Variants in FRMPD2 observed in about 807,000 individuals in gnomAD.
FRMPD2 encodes FERM and PDZ domain-containing protein 2.
A neutral mutation model predicts 140.1 loss-of-function variants in FRMPD2; 96 were observed. That is an observed-to-expected ratio of 0.69 (90% CI 0.58 to 0.81). The LOEUF is 0.81. Ranked by LOEUF, FRMPD2 falls within the 40% of genes least tolerant of loss-of-function variation. FRMPD2 has a pLI of 0.00. For synonymous variants in FRMPD2, 449 were observed against 547.6 expected (o/e 0.82, Z 2.52); for missense variants, 1,240 against 1,447.4 (o/e 0.86, Z 2.32).
In FRMPD2 at chr10:48,250,872, C is replaced by A. The variant is rs1055070075; in HGVS notation, c.151+694G>T. On this transcript the variant is annotated intron_variant, in intron 2 of 28. Transcript: ENST00000374201. ...AGGGCAGTGGCACAATCTTGGCTCA[C>A]TACAACCTCTGCCTCCTGGGTTCAG... Among the ~76,000 whole-genome samples the A allele has an allele frequency of 2.0e-5, 3 of 148,260 alleles. No homozygotes were observed. In the Admixed American group the frequency reaches 2.0e-4, roughly 10 times the overall value.
At chr10:48,174,717 G>A (rs1260873001) in intron 24 of FRMPD2, among the ~76,000 whole-genome samples, 153 bp downstream of exon 24, 2 of 151,596 alleles carry the variant, frequency 1.3e-5, no homozygotes, top group African/African-American at 4.9e-5. Context: ...AGAAAAGTGA[G>A]GGTAAGAAGA....
Position 48,196,106 on chromosome 10 carries a change from A to T in FRMPD2, c.1955-3212T>A, listed in dbSNP as rs900032347. Among the ~76,000 whole-genome samples the T allele has an allele frequency of 2.0e-5, 3 of 152,150 alleles. No individual in the cohort carries two copies. The East Asian group carries it at 5.8e-4, about 29-fold the overall frequency. On this transcript the variant is annotated intron_variant, in intron 15 of 28. Coordinates refer to ENST00000374201, the MANE Select transcript of FRMPD2 (RefSeq NM_001018071.4). ...AAGGAGTTAGGAACGTGCTGCAGGCAGAGGGTATGCTGGGCACAAAAGCCC... is the reference window on the plus strand; with the variant it reads ...AAGGAGTTAGGAACGTGCTGCAGGCTGAGGGTATGCTGGGCACAAAAGCCC...
chr10:48,231,102 A>T (rs1184799248), intron 10 of FRMPD2, among the ~76,000 whole-genome samples: 3 of 152,236 alleles, frequency 2.0e-5, no homozygotes, highest in Admixed American at 2.0e-4. Context: ...CAACCAGGAA[A>T]GGTCCATCCC....
chr10:48,267,966 G>A (rs1840706680), intron 1 of FRMPD2, among the ~76,000 whole-genome samples: 1 of 152,216 alleles, frequency 6.6e-6, no homozygotes, highest in Non-Finnish European at 1.5e-5. Flanking sequence ...GCAGAAAGTA[G>A]GTTTAGGTGC....
intron 10 of FRMPD2, among the ~76,000 whole-genome samples, chr10:48,224,059 A>G (rs1839670009): frequency 6.6e-6 from 1 of 152,188 alleles, no homozygotes; most frequent in Admixed American, 6.5e-5. Flanking sequence ...GTGTAAGTGG[A>G]GTCAATTTGC....
At position 48,238,082 on chromosome 10, in the gene FRMPD2, C is replaced by T. The variant is rs114531795; in HGVS notation, c.830G>A (p.Arg277Gln). ...GTGCACAGATCCAGAGCTGAGCCTC[C>T]GGCCCGCCTGCTGGTCCTGGGGATC... Reference protein sequence around the residue: ...GADPQDQQAGRRLSSGSVHSA... With the variant: ...GADPQDQQAGQRLSSGSVHSA... The change falls in exon 8 of 29, where the codon CGG (arginine) becomes CAG (glutamine). Residue 277 changes from arginine (R) to glutamine (Q), a missense_variant. By Grantham distance (43) the Arg-to-Gln change is conservative. Around this residue, in one of 6 missense-constraint regions of FRMPD2, gnomAD observed 1,161 missense variants for 1,055.9 expected, o/e 1.10. Coordinates refer to ENST00000374201, the MANE Select transcript of FRMPD2 (RefSeq NM_001018071.4). 8.9e-4 allele frequency: 1,434 copies of T among 1,613,532 alleles called. 17 individuals carry two copies. The African/African-American group carries it at 0.017, about 19-fold the overall frequency.
intron 16 of FRMPD2, among the ~76,000 whole-genome samples, chr10:48,188,622 C>T (rs1838750142): frequency 6.6e-6 from 1 of 152,166 alleles, no homozygotes; most frequent in African/African-American, 2.4e-5. Context: ...AACCAAGGTG[C>T]CCAGGGAGAG....
Position 48,232,126 on chromosome 10 carries a change from G to T in FRMPD2, c.1157C>A (p.Ala386Glu). The change falls in exon 10 of 29, where the codon GCG (alanine) becomes GAG (glutamate). Residue 386 changes from alanine to glutamate, a missense_variant. By Grantham distance (107) the Ala-to-Glu change is moderately radical (BLOSUM62 -1). Coordinates refer to ENST00000374201, the MANE Select transcript of FRMPD2 (RefSeq NM_001018071.4). ...CAAGAGATGCTTACTTTTCATATAC[G>T]CCAAGCCAAAGTAGGTGAGTTCCTC... ...NLEELTYFGL[A>E]YMKSKEFFFL... The T allele has an allele frequency of 6.2e-7, 1 of 1,614,134 alleles. No individual in the cohort carries two copies. Among genetic ancestry groups the T allele is most frequent in the Non-Finnish European group, 8.5e-7 (1 of 1,180,020 alleles).
chr10:48,251,245 A>G (rs1449745855), intron 2 of FRMPD2, among the ~76,000 whole-genome samples: 2 of 152,196 alleles, frequency 1.3e-5, no homozygotes, highest in African/African-American at 4.8e-5. Flanking sequence ...ATAGCACTGC[A>G]GCCACTCTCT....
intron 15 of FRMPD2, among the ~76,000 whole-genome samples, chr10:48,199,457 T>G (rs1316406197): frequency 1.3e-5 from 2 of 152,176 alleles, no homozygotes; most frequent in South Asian, 4.1e-4. Flanking sequence ...CAGCAGCAAA[T>G]AGCTTCCTGA....
chr10:48,243,551 C>T (rs1840175138), intron 4 of FRMPD2, among the ~76,000 whole-genome samples: 1 of 152,188 alleles, frequency 6.6e-6, no homozygotes, highest in Non-Finnish European at 1.5e-5. Flanking sequence ...CACAGGGTCA[C>T]ACACTCAGGA....
intron 28 of FRMPD2, among the ~76,000 whole-genome samples, chr10:48,162,430 AGTC>A (rs1837966419): frequency 8.9e-6 from 1 of 112,468 alleles, no homozygotes; most frequent in Non-Finnish European, 1.8e-5. Flanking sequence ...TACCTTTGAC[AGTC>A]GTCTAGGATG....
At chr10:48,163,100 A>G (rs1837987613) in intron 28 of FRMPD2, among the ~76,000 whole-genome samples, 1 of 123,316 alleles carries the variant, frequency 8.1e-6, no homozygotes, top group Admixed American at 8.1e-5. Context: ...CTTCCAAGAC[A>G]TATTGGGGAC....
In FRMPD2 at chr10:48,209,467, T is replaced by A. The variant is rs921494384; in HGVS notation, c.1611+2487A>T. 2.0e-5 allele frequency among the ~76,000 whole-genome samples: 3 copies of A among 152,310 alleles called. No homozygotes were observed. The East Asian group carries it at 5.8e-4, about 29-fold the overall frequency. On this transcript the variant is annotated intron_variant, in intron 13 of 28. Coordinates refer to ENST00000374201, the MANE Select transcript of FRMPD2 (RefSeq NM_001018071.4). ...AGTACAAGGTGCTGAACTTTCAGAG[T>A]TAGTCATCAGTGAACTGGGGACCAA...
At chr10:48,270,309 T>C (rs1044854541) in intron 1 of FRMPD2, among the ~76,000 whole-genome samples, 2 of 152,290 alleles carry the variant, frequency 1.3e-5, no homozygotes, top group East Asian at 3.9e-4. Flanking sequence ...ACCTTACTTA[T>C]GTGTGGCCAA....
chr10:48,193,386 A>T (rs377082195), intron 15 of FRMPD2, among the ~76,000 whole-genome samples: 1 of 152,158 alleles, frequency 6.6e-6, no homozygotes, highest in Non-Finnish European at 1.5e-5. Flanking sequence ...TGCCCTGGTA[A>T]TCATATTTAA....
chr10:48,181,755 TG>T (rs1033816915), intron 20 of FRMPD2, among the ~76,000 whole-genome samples: 5 of 151,576 alleles, frequency 3.3e-5, no homozygotes, highest in African/African-American at 1.2e-4. Context: ...TCAATAATAT[TG>T]TAGAGTTGGT....
At chr10:48,182,304 A>C (rs995232235) in intron 20 of FRMPD2, among the ~76,000 whole-genome samples, 18 of 152,146 alleles carry the variant, frequency 1.2e-4, no homozygotes, top group Non-Finnish European at 2.2e-4. Flanking sequence ...ATCCTCCATG[A>C]GAGGTGAGGA....
intron 5 of FRMPD2, 199 bp downstream of exon 5, chr10:48,241,962 C>A (rs998890545): frequency 9.9e-6 from 4 of 403,024 alleles, no homozygotes; most frequent in South Asian, 6.0e-5. Flanking sequence ...ACTGCAATGA[C>A]AAGAATGTTC....
Sources: gnomAD v4.1 joint callset for allele counts (sites outside exome capture counted in the v4.1 genomes callset) on GRCh38, gnomAD v4.1.1 for gene constraint, gnomAD v4.1.1 regional missense constraint, MANE v1.5 for transcripts, NCBI Gene and HGNC (gene_info 2026-07-23, HGNC 2026-07-21) for gene names.